Variants in RABGAP1L observed in about 807,000 individuals in gnomAD.
RABGAP1L encodes rab GTPase-activating protein 1-like.
RABGAP1L carries 63 observed loss-of-function variants against 137.7 expected under a neutral mutation model. The observed-to-expected ratio is 0.46, with a 90% CI of 0.37 to 0.56. The LOEUF is 0.56. RABGAP1L is among the 20% of genes least tolerant of loss of function. The pLI is 0.00. For missense variants in RABGAP1L, 1,095 were observed against 1,244.0 expected (o/e 0.88, Z 1.80); for synonymous variants, 431 against 433.7 (o/e 0.99, Z 0.08).
At chr1:174,621,126 C>T (rs1218435046) in intron 13 of RABGAP1L, among the ~76,000 whole-genome samples, 5 of 152,100 alleles carry the variant, frequency 3.3e-5, no homozygotes, top group Admixed American at 3.3e-4. Flanking sequence ...GAATAAAATA[C>T]CTAGGAATCC....
At chr1:174,733,139 T>G (rs561821399) in intron 17 of RABGAP1L, among the ~76,000 whole-genome samples, 2 of 152,288 alleles carry the variant, frequency 1.3e-5, no homozygotes, top group South Asian at 4.1e-4. Flanking sequence ...ATAACCACCA[T>G]GCTTTATTGC....
rs1187663041 is a variant in RABGAP1L, at chr1:174,761,628, C to T, written c.2211+9274C>T. Among the ~76,000 whole-genome samples, 3 of 152,130 alleles carry T rather than the reference C, an allele frequency of 2.0e-5. No homozygotes were observed. Among genetic ancestry groups the T allele is most frequent in the Admixed American group, 6.6e-5 (1 of 15,258 alleles). On this transcript the variant is annotated intron_variant, in intron 18 of 25. Transcript: ENST00000681986. The surrounding 1 kb of genome is among the most constrained non-coding windows in gnomAD (Gnocchi z 4.0). ...GCAGAGGCACTCCTCACTTCCCAGA[C>T]GGAGACAGTGTGGGGGCCGGACAAG...
chr1:174,851,723 G>A (rs545972368), intron 19 of RABGAP1L, among the ~76,000 whole-genome samples: 1 of 150,964 alleles, frequency 6.6e-6, no homozygotes, highest in African/African-American at 2.4e-5. Context: ...TCTCTCTGTG[G>A]TTGCCCAGGC....
At chr1:174,637,588 A>C in intron 14 of RABGAP1L, 100 bp downstream of exon 14, 4 of 833,942 alleles carry the variant, frequency 4.8e-6, no homozygotes, top group East Asian at 2.6e-5. Flanking sequence ...TCTTATTTGC[A>C]CTATGCCATG....
intron 7 of RABGAP1L, among the ~76,000 whole-genome samples, chr1:174,263,333 A>C (rs1303576003): frequency 1.3e-5 from 2 of 152,174 alleles, no homozygotes; most frequent in Non-Finnish European, 2.9e-5. Context: ...CCCAACTTCC[A>C]CGTTAGTTCT....
chr1:174,934,931 A>G (rs1558251434), intron 19 of RABGAP1L: 1 of 152,238 alleles, frequency 6.6e-6, no homozygotes, highest in Non-Finnish European at 1.5e-5. Flanking sequence ...AGAAAGTTTT[A>G]TCTCTTTTTC....
chr1:174,577,029 A>G (rs1393917557), intron 13 of RABGAP1L, among the ~76,000 whole-genome samples: 2 of 152,050 alleles, frequency 1.3e-5, no homozygotes, highest in Non-Finnish European at 2.9e-5. Context: ...ACAAAAAACA[A>G]AAAACTAGCT....
chr1:174,541,682 A>C (rs528314265), intron 13 of RABGAP1L, among the ~76,000 whole-genome samples: 1 of 152,140 alleles, frequency 6.6e-6, no homozygotes, highest in Non-Finnish European at 1.5e-5. Context: ...AGGCTGAGGC[A>C]GGAGAATGGC....
intron 13 of RABGAP1L, among the ~76,000 whole-genome samples, chr1:174,622,046 T>G (rs1672535395): frequency 6.6e-6 from 1 of 152,086 alleles, no homozygotes; most frequent in Non-Finnish European, 1.5e-5. Flanking sequence ...GGGCGAAGGA[T>G]ATGAATAGAC....
At chr1:174,521,730 A>G (rs767079466) in intron 13 of RABGAP1L, among the ~76,000 whole-genome samples, 2 of 152,214 alleles carry the variant, frequency 1.3e-5, no homozygotes, top group Non-Finnish European at 2.9e-5. Flanking sequence ...TCTGATGTAT[A>G]TATCAGCATC....
intron 13 of RABGAP1L, among the ~76,000 whole-genome samples, chr1:174,613,968 G>A (rs1303274003): frequency 2.6e-5 from 4 of 152,084 alleles, no homozygotes; most frequent in African/African-American, 9.7e-5. Context: ...CATGAGATGG[G>A]TTTCCTGAAT....
At chr1:174,469,648 C>T (rs953158912) in intron 13 of RABGAP1L, among the ~76,000 whole-genome samples, 4 of 152,156 alleles carry the variant, frequency 2.6e-5, no homozygotes, top group Admixed American at 2.6e-4. Context: ...AAATCCCTCA[C>T]TATAAGCTCT....
At chr1:174,440,861 A>ATTT (rs1026081312) in intron 13 of RABGAP1L, among the ~76,000 whole-genome samples, 1 of 151,824 alleles carries the variant, frequency 6.6e-6, no homozygotes, top group African/African-American at 2.4e-5. Flanking sequence ...ACTGGTCTCT[A>ATTT]TTTGTTTACC....
At chr1:174,197,356 C>T (rs535754650) in intron 1 of RABGAP1L, among the ~76,000 whole-genome samples, 3 of 152,038 alleles carry the variant, frequency 2.0e-5, no homozygotes, top group African/African-American at 7.2e-5. Context: ...AGGGCTTGAA[C>T]TCTTATAAGT....
intron 1 of RABGAP1L, among the ~76,000 whole-genome samples, chr1:174,171,113 C>G (rs181065639): frequency 6.6e-6 from 1 of 152,298 alleles, no homozygotes; most frequent in African/African-American, 2.4e-5. Context: ...AGCCTGAATT[C>G]TTTCTGCAAT....
At position 174,448,729 on chromosome 1, in the gene RABGAP1L, T is replaced by C; in HGVS notation, c.1710+54584T>C. 6.2e-7 allele frequency: 1 copy of C among 1,614,042 alleles called. No homozygotes were observed. The highest frequency in any genetic ancestry group is 8.5e-7 in the Non-Finnish European group (1 of 1,179,906). ...TCACCAGTGCCTATTTTACTGGCTT[T>C]ATTGTTTGTTTACTTTATGCTCCTG... On this transcript the variant is annotated intron_variant, in intron 13 of 25. Coordinates refer to ENST00000681986, the MANE Select transcript of RABGAP1L (RefSeq NM_001366446.1). The surrounding 1 kb of genome is among the most constrained non-coding windows in gnomAD (Gnocchi z 4.2).
chr1:174,239,481 C>G (rs545806052), intron 4 of RABGAP1L, among the ~76,000 whole-genome samples: 27 of 152,194 alleles, frequency 1.8e-4, no homozygotes, highest in African/African-American at 5.5e-4. Context: ...TTTTCCAATG[C>G]TTTTTGTTTC....
intron 17 of RABGAP1L, among the ~76,000 whole-genome samples, chr1:174,718,801 A>G (rs115633740): frequency 0.011 from 1,581 of 145,920 alleles, 32 homozygotes; most frequent in African/African-American, 0.037. Flanking sequence ...AGATGGGGGA[A>G]CTCCTTTATA....
At chr1:174,772,531 G>C (rs1381072786) in intron 18 of RABGAP1L, among the ~76,000 whole-genome samples, 1 of 129,416 alleles carries the variant, frequency 7.7e-6, no homozygotes, top group Non-Finnish European at 1.5e-5. Context: ...TCGCACCACT[G>C]CACTCCAGCC....
Sources: allele counts gnomAD v4.1 joint callset (sites outside exome capture counted in the v4.1 genomes callset), GRCh38; gene constraint gnomAD v4.1.1; non-coding constraint Gnocchi (gnomAD v3.1); transcripts MANE v1.5; gene names NCBI Gene and HGNC (gene_info 2026-07-23, HGNC 2026-07-21).